PACSIN2: variants seen among roughly 807,000 people sequenced by gnomAD.
The protein encoded by PACSIN2 is protein kinase C and casein kinase substrate in neurons protein 2.
PACSIN2 carries 25 observed loss-of-function variants against 63.8 expected under a neutral mutation model. That is an observed-to-expected ratio of 0.39 (90% CI 0.29 to 0.55). The LOEUF is 0.55. Among genes scored for constraint, PACSIN2 ranks in the 20% least tolerant of loss-of-function variants. The pLI, the probability that PACSIN2 is intolerant of heterozygous loss-of-function variation, is 0.62. For missense variants in PACSIN2, 518 were observed against 646.9 expected (o/e 0.80, Z 2.16); for synonymous variants, 255 against 256.2 (o/e 1.00, Z 0.05).
chr22:42,970,061 G>A (rs948927707), intron 1 of PACSIN2, among the ~76,000 whole-genome samples: 3 of 152,112 alleles, frequency 2.0e-5, no homozygotes, highest in African/African-American at 7.2e-5. Flanking sequence ...CACCTGACCT[G>A]GCATGCCCCC....
intron 2 of PACSIN2, among the ~76,000 whole-genome samples, chr22:42,901,951 G>C (rs1215675954): frequency 6.6e-6 from 1 of 152,206 alleles, no homozygotes; most frequent in Non-Finnish European, 1.5e-5. Flanking sequence ...AGAGGGAGCA[G>C]TTTCCAGTCT....
At position 42,876,158 on chromosome 22, in the gene PACSIN2, C is replaced by T; in HGVS notation, c.1327G>A (p.Asp443Asn). 2 of 1,613,582 alleles carry T rather than the reference C, an allele frequency of 1.2e-6. No homozygotes were observed. The highest frequency in any genetic ancestry group is 1.7e-6 in the Non-Finnish European group (2 of 1,179,470). ...CTACCAGCCTTGAAGCTCAGCTCAT[C>T]ATGCTCCTGCCCCTCATAGTCATAC... ...ALYDYEGQEH[D>N]ELSFKAGDEL... is the part of the protein sequence containing the mutation. The change falls in exon 10 of 11, where the codon GAT (aspartate) becomes AAT (asparagine). Residue 443 changes from aspartate (D) to asparagine (N), a missense_variant. Physicochemically the swap from Asp to Asn is conservative, Grantham distance 23 (BLOSUM62 1). Transcript: ENST00000263246.
At chr22:43,014,804 C>T (rs1924775106) in intron 1 of PACSIN2, among the ~76,000 whole-genome samples, 1 of 151,632 alleles carries the variant, frequency 6.6e-6, no homozygotes, top group Admixed American at 6.6e-5. Context: ...CTCGTCCTCC[C>T]CAAGATGTCT....
intron 1 of PACSIN2, chr22:42,959,424 A>C (rs2146846661): frequency 6.6e-6 from 1 of 152,348 alleles, no homozygotes; most frequent in Non-Finnish European, 1.5e-5. Flanking sequence ...GCTACTCTAA[A>C]ACATGCCAAA....
intron 2 of PACSIN2, among the ~76,000 whole-genome samples, chr22:42,896,717 G>A (rs892543721): frequency 1.3e-5 from 2 of 152,216 alleles, no homozygotes; most frequent in African/African-American, 4.8e-5. Context: ...CTGGACAGCT[G>A]TGCACTGCCA....
At chr22:42,873,798 C>CT (rs11386127) in intron 10 of PACSIN2, among the ~76,000 whole-genome samples, 61,474 of 145,592 alleles carry the variant, frequency 0.42, 13,211 homozygotes, top group Non-Finnish European at 0.47. Context: ...ATTTTCTTTC[C>CT]TTTTTTTTTT....
In PACSIN2 at chr22:42,884,412, C is replaced by T. The variant is rs1277232904; in HGVS notation, c.759G>A (p.Lys253=). The T allele has an allele frequency of 3.1e-6, 5 of 1,614,086 alleles. No individual in the cohort carries two copies. The highest frequency in any genetic ancestry group is 4.2e-6 in the Non-Finnish European group (5 of 1,180,022). ...FFREVLLEVQ[K]HLDLSNVAGY... The stretch of plus-strand genomic sequence containing the variant: ...CAGCCACATTGGACAGGTCTAGGTG[C>T]TTCTGAACCTCCAGCAGAACCTCCC... The change falls in exon 6 of 11, where the codon AAG becomes AAA. Residue 253 remains lysine, a synonymous_variant. Transcript: ENST00000263246.
chr22:42,884,345 G>A (rs1339182015), intron 6 of PACSIN2, 41 bp downstream of exon 6: 1 of 1,566,308 alleles, frequency 6.4e-7, no homozygotes. Flanking sequence ...ACTTTCCGTT[G>A]ACTTCAATGA....
At chr22:42,873,733 T>C (rs1202680586) in intron 10 of PACSIN2, among the ~76,000 whole-genome samples, 3 of 151,970 alleles carry the variant, frequency 2.0e-5, no homozygotes, top group Admixed American at 6.5e-5. Flanking sequence ...TCTGGGTTGC[T>C]GTGGGTCCAC....
At chr22:42,887,807 T>C (rs1929604032) in intron 5 of PACSIN2, among the ~76,000 whole-genome samples, 1 of 152,116 alleles carries the variant, frequency 6.6e-6, no homozygotes, top group African/African-American at 2.4e-5. Flanking sequence ...CACAATGATT[T>C]CTCATTAACC....
chr22:42,983,828 G>A (rs895997190), intron 1 of PACSIN2, among the ~76,000 whole-genome samples: 1 of 152,072 alleles, frequency 6.6e-6, no homozygotes, highest in Non-Finnish European at 1.5e-5. Context: ...TCAGTTAACT[G>A]ACTGGTGGTC....
At chr22:42,917,611 T>C (rs1442083630) in intron 1 of PACSIN2, among the ~76,000 whole-genome samples, 1 of 146,250 alleles carries the variant, frequency 6.8e-6, no homozygotes, top group Non-Finnish European at 1.5e-5. Flanking sequence ...CAAGACCCTA[T>C]CTCAAAAAAA....
Position 42,893,521 on chromosome 22 carries a change from G to A in PACSIN2, c.153C>T (p.Ile51=), listed in dbSNP as rs551067771. Residue 51 remains isoleucine, a synonymous_variant, in exon 3 of 11, where the codon ATC becomes ATT. Coordinates refer to ENST00000263246, the MANE Select transcript of PACSIN2 (RefSeq NM_001184970.3). ...LMNCLHERAR[I]EKAYAQQLTE... ...TGAGCTGCTGCGCATACGCCTTCTC[G>A]ATGCGCGCCCGCTCATGCAGGCAGT... The A allele has an allele frequency of 1.8e-5, 29 of 1,614,086 alleles. No individual in the cohort carries two copies. The highest frequency in any genetic ancestry group is 8.8e-5 in the South Asian group (8 of 91,080).
intron 1 of PACSIN2, among the ~76,000 whole-genome samples, chr22:42,923,279 C>A (rs1278210548): frequency 1.3e-5 from 2 of 152,178 alleles, no homozygotes; most frequent in South Asian, 2.1e-4. Context: ...CTATTCTCAA[C>A]ACGGTGACCC....
At chr22:43,005,820 C>G (rs1373865949) in intron 1 of PACSIN2, among the ~76,000 whole-genome samples, 1 of 152,102 alleles carries the variant, frequency 6.6e-6, no homozygotes, top group Non-Finnish European at 1.5e-5. Flanking sequence ...TATCCTGGTG[C>G]AAAGGACTGC....
intron 1 of PACSIN2, among the ~76,000 whole-genome samples, chr22:42,989,867 A>AAAAT (rs1555946191): frequency 8.0e-6 from 1 of 125,192 alleles, no homozygotes; most frequent in African/African-American, 3.4e-5. Flanking sequence ...GGGAAAAAAA[A>AAAAT]ATATATATAT....
chr22:42,944,638 G>A (rs1294410639), intron 1 of PACSIN2, among the ~76,000 whole-genome samples: 2 of 152,196 alleles, frequency 1.3e-5, no homozygotes, highest in African/African-American at 4.8e-5. Flanking sequence ...AGCAAAAATT[G>A]GAAACGAGTC....
chr22:42,969,561 C>T (rs1921086977), intron 1 of PACSIN2, among the ~76,000 whole-genome samples: 1 of 152,158 alleles, frequency 6.6e-6, no homozygotes, highest in Non-Finnish European at 1.5e-5. Context: ...CATTGTAACA[C>T]CGGCATTATC....
Position 42,952,732 on chromosome 22 carries a change from G to A in PACSIN2, c.-77-40575C>T, listed in dbSNP as rs562568450. Among the ~76,000 whole-genome samples, 8 of 150,718 alleles carry A rather than the reference G, an allele frequency of 5.3e-5. No homozygotes were observed. The East Asian group carries it at 7.9e-4, about 15-fold the overall frequency. On this transcript the variant is annotated intron_variant, in intron 1 of 10. Coordinates refer to ENST00000263246, the MANE Select transcript of PACSIN2 (RefSeq NM_001184970.3). ...GGCTGGAGTGCAGTGGAGCGATCTC[G>A]GCTCACTACAATCTCTGCCTCCCAG...
Sources: allele counts gnomAD v4.1 joint callset (sites outside exome capture counted in the v4.1 genomes callset), GRCh38; gene constraint gnomAD v4.1.1; transcripts MANE v1.5; gene names NCBI Gene and HGNC (gene_info 2026-07-23, HGNC 2026-07-21).